Variants in FAAH2 observed in about 807,000 individuals in gnomAD.
FAAH2 encodes the protein fatty-acid amide hydrolase 2.
In FAAH2, 60 loss-of-function variants were observed where a neutral mutation model predicts 36.9. The ratio of observed to expected loss-of-function variants is 1.63; its 90% CI spans 1.32 to 2.02. The LOEUF is 2.02. Among genes scored for constraint, FAAH2 ranks in the 30% most tolerant of loss-of-function variants. FAAH2 has a pLI of 0.00. For missense variants in FAAH2, 689 were observed against 397.5 expected, an observed-to-expected ratio of 1.73 and a Z score of -6.23; for synonymous variants, 214 against 143.8, an observed-to-expected ratio of 1.49 and a Z score of -3.49.
chrX:57,188,421 T>C, the FAAH2 span, among the ~76,000 whole-genome samples: 1 of 111,512 alleles, frequency 9.0e-6, no homozygotes, highest in Non-Finnish European at 1.9e-5. Context: ...CCCTTTATTA[T>C]TTTTTATTGT....
intron 10 of FAAH2, among the ~76,000 whole-genome samples, chrX:57,464,399 T>C (rs1394174803): frequency 9.1e-6 from 1 of 109,780 alleles, no homozygotes; most frequent in Non-Finnish European, 1.9e-5. Context: ...ATTCATCACA[T>C]GCATCCCAGA....
intron 7 of FAAH2, among the ~76,000 whole-genome samples, chrX:57,426,414 A>T (rs1192891109): frequency 1.8e-5 from 2 of 111,906 alleles, no homozygotes; most frequent in African/African-American, 6.5e-5. Context: ...AGTAGACCTA[A>T]TAGACATTTA....
At chrX:57,448,375 A>T in intron 9 of FAAH2, 149 bp from the exon 10 acceptor site, 1 of 543,955 alleles carries the variant, frequency 1.8e-6, no homozygotes, top group Non-Finnish European at 2.9e-6. Flanking sequence ...GAAGGAGTTA[A>T]AAGTAAGATT....
chrX:57,353,235 G>T lies in FAAH2; in HGVS notation c.742+11845G>T, dbSNP rs12006991. Among the ~76,000 whole-genome samples, 5 of 109,431 alleles carry T rather than the reference G, an allele frequency of 4.6e-5. No individual in the cohort carries two copies. In the Admixed American group the frequency reaches 4.9e-4, roughly 11 times the overall value. On this transcript the variant is annotated intron_variant, in intron 5 of 10. Transcript: ENST00000374900. ...CAGTAAGCAAAACAACATGGTTCTG[G>T]TAAAAAAACAGATGCATAGGTCAAT... is the stretch of plus-strand genomic sequence containing the variant.
the FAAH2 span, among the ~76,000 whole-genome samples, chrX:57,124,436 G>A: frequency 2.2e-3 from 241 of 111,686 alleles, no homozygotes; most frequent in South Asian, 0.018. Flanking sequence ...GTCAGGTAGC[G>A]TGATGCCTCC....
At chrX:57,226,469 G>A in the FAAH2 span, among the ~76,000 whole-genome samples, 1 of 112,081 alleles carries the variant, frequency 8.9e-6, no homozygotes, top group Non-Finnish European at 1.9e-5. Flanking sequence ...GAAGGCTGAA[G>A]ATAGGACCCC....
At chrX:57,162,158 T>G in the FAAH2 span, among the ~76,000 whole-genome samples, 4 of 111,750 alleles carry the variant, frequency 3.6e-5, no homozygotes, top group Non-Finnish European at 7.5e-5. Context: ...GGGTTGAAAA[T>G]TCTTTTCTTT....
chrX:57,288,816 A>G (rs1159909217), intron 1 of FAAH2, among the ~76,000 whole-genome samples: 1 of 111,344 alleles, frequency 9.0e-6, no homozygotes, highest in Non-Finnish European at 1.9e-5. Context: ...GTTAACTATT[A>G]CTATTATTAC....
At chrX:57,402,973 C>T (rs751574934) in intron 7 of FAAH2, among the ~76,000 whole-genome samples, 3 of 112,130 alleles carry the variant, frequency 2.7e-5, no homozygotes, top group Middle Eastern at 9.1e-3. Flanking sequence ...GGGTTAGTGT[C>T]TGATCTAGCA....
the FAAH2 span, among the ~76,000 whole-genome samples, chrX:57,279,475 A>T: frequency 1.8e-5 from 2 of 111,836 alleles, no homozygotes; most frequent in Non-Finnish European, 3.8e-5. Context: ...TAGGTGAGGG[A>T]TAACATTAGG....
At chrX:57,151,735 T>A in the FAAH2 span, among the ~76,000 whole-genome samples, 6 of 111,527 alleles carry the variant, frequency 5.4e-5, no homozygotes, top group African/African-American at 2.0e-4. Flanking sequence ...AGTAGTTTGA[T>A]CGTCTGAAGC....
At chrX:57,396,029 G>T (rs1310921982) in intron 7 of FAAH2, among the ~76,000 whole-genome samples, 1 of 111,650 alleles carries the variant, frequency 9.0e-6, no homozygotes, top group Non-Finnish European at 1.9e-5. Context: ...ACTTGTTATT[G>T]GTCTGTTTAG....
At chrX:57,268,067 T>C in the FAAH2 span, among the ~76,000 whole-genome samples, 2 of 112,055 alleles carry the variant, frequency 1.8e-5, no homozygotes, top group African/African-American at 6.5e-5. Context: ...GCTATAGGAG[T>C]ACACTGTAAC....
chrX:57,478,112 G>A (rs5960989), intron 10 of FAAH2, among the ~76,000 whole-genome samples: 40,701 of 110,644 alleles, frequency 0.37, 6,461 homozygotes, highest in Middle Eastern at 0.61. Flanking sequence ...CCAACAGTGT[G>A]AAAGTGTTCC....
At chrX:57,250,969 A>G in the FAAH2 span, among the ~76,000 whole-genome samples, 90 of 111,889 alleles carry the variant, frequency 8.0e-4, no homozygotes, top group Non-Finnish European at 1.4e-3. Context: ...AACACTTCCA[A>G]AAAATTCATT....
At position 57,474,318 on chromosome X, in the gene FAAH2, C is replaced by T. The variant is rs371758735; in HGVS notation, c.1424-14439C>T. Among the ~76,000 whole-genome samples, 38 of 111,131 alleles carry T rather than the reference C, an allele frequency of 3.4e-4. No homozygotes were observed. The East Asian group carries it at 4.0e-3, about 12-fold the overall frequency. On this transcript the variant is annotated intron_variant, in intron 10 of 10. Coordinates refer to ENST00000374900, the MANE Select transcript of FAAH2 (RefSeq NM_174912.4). Reference sequence around the variant, plus strand: ...CCGCCCATCATTTAGGCTTTAAGCCCTGCATTTATTAGGTATTTGTCCAAA... The same window carrying T: ...CCGCCCATCATTTAGGCTTTAAGCCTTGCATTTATTAGGTATTTGTCCAAA...
intron 10 of FAAH2, among the ~76,000 whole-genome samples, chrX:57,466,156 C>CTATATATATATATA (rs1163626331): frequency 3.4e-3 from 226 of 66,357 alleles, no homozygotes; most frequent in African/African-American, 6.4e-3. Flanking sequence ...CTCTCTCTCT[C>CTATATATATATATA]TATATATATA....
intron 10 of FAAH2, among the ~76,000 whole-genome samples, chrX:57,456,104 C>T (rs919833459): frequency 5.4e-5 from 6 of 111,888 alleles, no homozygotes; most frequent in Admixed American, 2.8e-4. Context: ...ACCAAGCAAA[C>T]TCTCAGACCA....
the FAAH2 span, among the ~76,000 whole-genome samples, chrX:57,203,529 G>A: frequency 1.8e-5 from 2 of 111,775 alleles, no homozygotes; most frequent in Middle Eastern, 4.2e-3. Context: ...TTCCCAATAT[G>A]TCCCCCTTTG....
Sources: gnomAD v4.1 joint callset for allele counts (sites outside exome capture counted in the v4.1 genomes callset) on GRCh38, gnomAD v4.1.1 for gene constraint, MANE v1.5 for transcripts, NCBI Gene and HGNC (gene_info 2026-07-23, HGNC 2026-07-21) for gene names.